SUSD4: variants seen among roughly 807,000 people sequenced by gnomAD.
SUSD4 encodes the protein sushi domain containing 4, also known as sushi domain-containing protein 4.
In SUSD4, 41 loss-of-function variants were observed where a neutral mutation model predicts 50.5. The ratio of observed to expected loss-of-function variants is 0.81; its 90% CI spans 0.63 to 1.05. The LOEUF (loss-of-function observed/expected upper bound fraction) is 1.05. Ranked by LOEUF, SUSD4 falls within the 50% of genes least tolerant of loss-of-function variation. The pLI, the probability that SUSD4 is intolerant of heterozygous loss-of-function variation, is 0.00. For missense variants in SUSD4, 580 were observed against 634.7 expected, an observed-to-expected ratio of 0.91 and a Z score of 0.93; for synonymous variants, 257 against 257.3, an observed-to-expected ratio of 1.00 and a Z score of 0.01.
chr1:223,341,800 G>A lies in SUSD4; in HGVS notation c.148+21478C>T, dbSNP rs560265532. ...CCTGAAGAAGAGAATGGAAAGAGGC[G>A]GACTTTGTGCTTGGAGAGGCCTGGG... On this transcript the variant is annotated intron_variant, in intron 2 of 8. Coordinates refer to ENST00000366878, the MANE Select transcript of SUSD4 (RefSeq NM_017982.4). Among the ~76,000 whole-genome samples the A allele has an allele frequency of 9.2e-5, 14 of 152,178 alleles. No homozygotes were observed. In the South Asian group the frequency reaches 2.7e-3, roughly 29 times the overall value.
chr1:223,338,404 G>A (rs1558263315), intron 2 of SUSD4, among the ~76,000 whole-genome samples: 1 of 152,196 alleles, frequency 6.6e-6, no homozygotes, highest in South Asian at 2.1e-4. Flanking sequence ...TGGGGGAAGC[G>A]GCCAAGACTG....
intron 2 of SUSD4, among the ~76,000 whole-genome samples, chr1:223,303,775 G>C (rs1339362567): frequency 1.3e-5 from 2 of 152,156 alleles, no homozygotes; most frequent in Non-Finnish European, 2.9e-5. Flanking sequence ...ATTTGATTAT[G>C]AGGTGAGATG....
chr1:223,244,288 G>A (rs1001918739), intron 5 of SUSD4, among the ~76,000 whole-genome samples: 6 of 152,196 alleles, frequency 3.9e-5, no homozygotes, highest in Admixed American at 2.0e-4. Context: ...AAAACTAAAG[G>A]CCAGCCCACC....
chr1:223,308,313 T>G (rs1665671091), intron 2 of SUSD4, among the ~76,000 whole-genome samples: 1 of 152,046 alleles, frequency 6.6e-6, no homozygotes, highest in South Asian at 2.1e-4. Flanking sequence ...ATGTGGTTGT[T>G]TTAAAGTGTG....
chr1:223,238,951 G>A (rs1384483591), intron 5 of SUSD4, among the ~76,000 whole-genome samples: 1 of 151,984 alleles, frequency 6.6e-6, no homozygotes, highest in East Asian at 1.9e-4. Flanking sequence ...ATCTATAATA[G>A]TGGATTTATC....
intron 2 of SUSD4, among the ~76,000 whole-genome samples, chr1:223,328,072 G>T (rs995082749): frequency 4.0e-5 from 6 of 150,436 alleles, no homozygotes; most frequent in Non-Finnish European, 7.4e-5. Flanking sequence ...AATGTCATCT[G>T]TCATTCCTAA....
At chr1:223,301,439 A>G (rs992243933) in intron 2 of SUSD4, among the ~76,000 whole-genome samples, 4 of 152,182 alleles carry the variant, frequency 2.6e-5, no homozygotes, top group Admixed American at 6.5e-5. Flanking sequence ...TAAGCCAGAT[A>G]TTGGTTTCAT....
chr1:223,317,512 G>A (rs151246402), intron 2 of SUSD4, among the ~76,000 whole-genome samples: 18 of 152,160 alleles, frequency 1.2e-4, no homozygotes, highest in East Asian at 7.7e-4. Flanking sequence ...TTTGGGGTCC[G>A]GATTGGGACC....
At chr1:223,222,849 C>CA (rs1384029024) in intron 8 of SUSD4, among the ~76,000 whole-genome samples, 2 of 152,184 alleles carry the variant, frequency 1.3e-5, no homozygotes, top group African/African-American at 2.4e-5. Context: ...TTCTTCCTGG[C>CA]ATGTATGTGC....
At chr1:223,278,353 G>T (rs773076837) in intron 3 of SUSD4, among the ~76,000 whole-genome samples, 2 of 152,112 alleles carry the variant, frequency 1.3e-5, no homozygotes, top group Non-Finnish European at 2.9e-5. Flanking sequence ...GGAAAATTGG[G>T]TCACTCCCAT....
intron 2 of SUSD4, among the ~76,000 whole-genome samples, chr1:223,295,846 A>G (rs1310088741): frequency 6.6e-6 from 1 of 152,088 alleles, no homozygotes; most frequent in Admixed American, 6.6e-5. Flanking sequence ...GTATAAAAAA[A>G]AAAAAAAAGA....
At chr1:223,279,184 C>G (rs934164705) in intron 3 of SUSD4, among the ~76,000 whole-genome samples, 2 of 152,198 alleles carry the variant, frequency 1.3e-5, no homozygotes. Context: ...TCCAAAGGAA[C>G]GCAGCTCCTT....
At chr1:223,293,785 C>A (rs971872930) in intron 2 of SUSD4, among the ~76,000 whole-genome samples, 10 of 152,054 alleles carry the variant, frequency 6.6e-5, no homozygotes, top group Non-Finnish European at 1.3e-4. Flanking sequence ...ACAGCTAGGG[C>A]CAAGGATAAG....
intron 5 of SUSD4, among the ~76,000 whole-genome samples, chr1:223,252,315 G>C (rs1661389937): frequency 6.6e-6 from 1 of 151,296 alleles, no homozygotes; most frequent in South Asian, 2.1e-4. Flanking sequence ...CAGACATCAA[G>C]GGAGAACTCC....
At chr1:223,314,936 C>A (rs375945251) in intron 2 of SUSD4, among the ~76,000 whole-genome samples, 1 of 152,194 alleles carries the variant, frequency 6.6e-6, no homozygotes. Flanking sequence ...AGAATTTTCT[C>A]CCCTAGAACA....
At chr1:223,299,912 T>C (rs1665073129) in intron 2 of SUSD4, among the ~76,000 whole-genome samples, 1 of 152,144 alleles carries the variant, frequency 6.6e-6, no homozygotes, top group African/African-American at 2.4e-5. Flanking sequence ...CTCTCCTGGG[T>C]CTCCAAGGAG....
intron 3 of SUSD4, 118 bp from the exon 4 acceptor site, chr1:223,268,793 A>G: frequency 2.9e-6 from 3 of 1,028,396 alleles, no homozygotes; most frequent in Non-Finnish European, 4.2e-6. Flanking sequence ...CAATCTGATA[A>G]ATGGTACCTC....
At chr1:223,271,293 C>T (rs987912100) in intron 3 of SUSD4, among the ~76,000 whole-genome samples, 1 of 152,168 alleles carries the variant, frequency 6.6e-6, no homozygotes, top group African/African-American at 2.4e-5. Context: ...GGAGCAGAAG[C>T]ACCCAAGCCT....
intron 2 of SUSD4, among the ~76,000 whole-genome samples, chr1:223,315,831 CAAAGTT>C (rs1164683574): frequency 6.6e-6 from 1 of 152,162 alleles, no homozygotes; most frequent in African/African-American, 2.4e-5. Context: ...AATTAGACAT[CAAAGTT>C]AAAGTGACAA....
Sources: allele counts gnomAD v4.1 joint callset (sites outside exome capture counted in the v4.1 genomes callset), GRCh38; gene constraint gnomAD v4.1.1; transcripts MANE v1.5; gene names NCBI Gene and HGNC (gene_info 2026-07-23, HGNC 2026-07-21).